NAALADL2: variants seen among roughly 807,000 people sequenced by gnomAD.
The protein encoded by NAALADL2 is inactive N-acetylated-alpha-linked acidic dipeptidase-like protein 2.
Under a neutral mutation model 87.2 loss-of-function variants are expected in NAALADL2, and 76 were observed. The ratio of observed to expected loss-of-function variants is 0.87; its 90% CI spans 0.72 to 1.05. NAALADL2 has a LOEUF of 1.05. NAALADL2 is among the 50% of genes least tolerant of loss of function. NAALADL2 has a pLI of 0.00. For missense variants in NAALADL2, 1,089 were observed against 945.8 expected (o/e 1.15, Z -1.99); for synonymous variants, 354 against 331.0 (o/e 1.07, Z -0.75).
At chr3:175,491,356 T>C (rs1378585680) in intron 9 of NAALADL2, among the ~76,000 whole-genome samples, 3 of 151,928 alleles carry the variant, frequency 2.0e-5, no homozygotes, top group Non-Finnish European at 2.9e-5. Flanking sequence ...TAGTAAATTT[T>C]GTCTCCCCAC....
chr3:175,461,076 A>G (rs1038975960), intron 6 of NAALADL2, among the ~76,000 whole-genome samples: 6 of 152,062 alleles, frequency 3.9e-5, no homozygotes, highest in African/African-American at 1.2e-4. Context: ...ACAGTTCTTT[A>G]GCTAGATACA....
intron 2 of NAALADL2, among the ~76,000 whole-genome samples, chr3:174,591,662 A>G (rs1717372797): frequency 6.6e-6 from 1 of 152,186 alleles, no homozygotes; most frequent in African/African-American, 2.4e-5. Flanking sequence ...CTATCTAAAG[A>G]CTTGCCATAA....
chr3:174,531,961 A>C (rs1438895057), intron 1 of NAALADL2, among the ~76,000 whole-genome samples: 2 of 152,196 alleles, frequency 1.3e-5, no homozygotes, highest in Non-Finnish European at 2.9e-5. Context: ...AAATTCCTAG[A>C]TTTATTTAAA....
chr3:175,290,949 C>T (rs1755572038), intron 4 of NAALADL2, among the ~76,000 whole-genome samples: 1 of 152,004 alleles, frequency 6.6e-6, no homozygotes. Context: ...AATAACTTTA[C>T]TAGAGAAGTA....
chr3:174,842,975 A>T (rs1015570959), intron 3 of NAALADL2, among the ~76,000 whole-genome samples: 5 of 152,080 alleles, frequency 3.3e-5, no homozygotes, highest in African/African-American at 1.2e-4. Context: ...CAATTTTTTT[A>T]AAAATTTTAA....
At position 175,423,372 on chromosome 3, in the gene NAALADL2, C is replaced by T. The variant is rs372709339; in HGVS notation, c.1091-23857C>T. On this transcript the variant is annotated intron_variant, in intron 5 of 13. Transcript: ENST00000454872. ...TGTTGGTGTGCTGCACCCATTAACT[C>T]GTCATTTAACATTAGGTATATCTCC... 6.6e-5 allele frequency among the ~76,000 whole-genome samples: 10 copies of T among 150,752 alleles called. No individual in the cohort carries two copies. In the East Asian group the frequency reaches 1.8e-3, roughly 27 times the overall value.
At chr3:174,980,431 T>G (rs187952454) in intron 1 of NAALADL2, among the ~76,000 whole-genome samples, 1 of 152,258 alleles carries the variant, frequency 6.6e-6, no homozygotes, top group Non-Finnish European at 1.5e-5. Context: ...ACCCAGGAGT[T>G]TGAGGCTGCA....
intron 4 of NAALADL2, among the ~76,000 whole-genome samples, chr3:175,290,400 A>T (rs945143147): frequency 6.6e-6 from 1 of 152,168 alleles, no homozygotes; most frequent in Non-Finnish European, 1.5e-5. Context: ...AGCAAATCTA[A>T]TCTAGGGAGA....
chr3:175,584,797 G>A (rs571022670), intron 10 of NAALADL2, among the ~76,000 whole-genome samples: 1 of 152,270 alleles, frequency 6.6e-6, no homozygotes, highest in African/African-American at 2.4e-5. Flanking sequence ...TTAAAAAGTG[G>A]TACACATGTA....
chr3:174,486,532 C>T (rs751374478), intron 1 of NAALADL2, among the ~76,000 whole-genome samples: 11 of 152,006 alleles, frequency 7.2e-5, no homozygotes, highest in Non-Finnish European at 1.3e-4. Flanking sequence ...AATTTCCACT[C>T]TGGTAAATTG....
At chr3:174,638,569 TGAA>T (rs1358465780) in intron 2 of NAALADL2, among the ~76,000 whole-genome samples, 2 of 151,954 alleles carry the variant, frequency 1.3e-5, no homozygotes, top group Admixed American at 6.6e-5. Context: ...TAGGAGATGT[TGAA>T]GAAGGAGGGT....
chr3:175,287,073 G>A lies in NAALADL2; in HGVS notation c.939+30543G>A, dbSNP rs149262695. On this transcript the variant is annotated intron_variant, in intron 4 of 13. Coordinates refer to ENST00000454872, the MANE Select transcript of NAALADL2 (RefSeq NM_207015.3). ...GCAGTGAGATTGCACTACAGCCTGG[G>A]CAACAGACTGAGACCTAGTTTCAAA... Among the ~76,000 whole-genome samples the A allele has an allele frequency of 2.4e-3, 367 of 152,184 alleles. 4 individuals carry two copies. The East Asian group carries it at 0.055, about 23-fold the overall frequency.
chr3:174,698,059 C>G (rs1471188973), intron 2 of NAALADL2, among the ~76,000 whole-genome samples: 2 of 152,094 alleles, frequency 1.3e-5, no homozygotes, highest in East Asian at 3.9e-4. Context: ...CCACTGCACT[C>G]CAGCCTGGTG....
At chr3:174,911,442 A>G (rs936723264) in intron 1 of NAALADL2, among the ~76,000 whole-genome samples, 4 of 152,154 alleles carry the variant, frequency 2.6e-5, no homozygotes, top group Admixed American at 2.6e-4. Context: ...GGCACTCGAC[A>G]TTGGCATGAG....
chr3:175,659,469 C>T (rs1300086056), intron 11 of NAALADL2, among the ~76,000 whole-genome samples: 1 of 152,128 alleles, frequency 6.6e-6, no homozygotes, highest in Admixed American at 6.6e-5. Context: ...AGCAGCACTG[C>T]AGTCTATTTT....
At chr3:174,808,719 G>GA (rs1719794516) in intron 3 of NAALADL2, among the ~76,000 whole-genome samples, 1 of 151,978 alleles carries the variant, frequency 6.6e-6, no homozygotes, top group Non-Finnish European at 1.5e-5. Context: ...GGAAAATGAT[G>GA]AAAAAACTAG....
In NAALADL2 at chr3:175,803,029, A is replaced by C; in HGVS notation, c.2214A>C (p.Glu738Asp). 6.2e-7 allele frequency: 1 copy of C among 1,611,886 alleles called. No homozygotes were observed. Among genetic ancestry groups the C allele is most frequent in the Non-Finnish European group, 8.5e-7 (1 of 1,178,578 alleles). The change falls in exon 14 of 14, where the codon GAA becomes GAC. Residue 738 changes from glutamate to aspartate, a missense_variant. Transcript: ENST00000454872. The part of the protein sequence containing the change: ...FYRNILYHLD[E>D]KTSRFSILIE... ...GAAACATCCTCTACCACCTTGATGA[A>C]AAGACAAGCCGGTTTTCAATACTTA... is the stretch of plus-strand genomic sequence containing the variant.
intron 9 of NAALADL2, among the ~76,000 whole-genome samples, chr3:175,517,186 T>C (rs184030005): frequency 6.6e-6 from 1 of 152,222 alleles, no homozygotes; most frequent in Admixed American, 6.5e-5. Context: ...ATACATAATC[T>C]TCATAAGACT....
intron 13 of NAALADL2, among the ~76,000 whole-genome samples, chr3:175,786,061 G>T (rs944582301): frequency 1.3e-5 from 2 of 152,230 alleles, no homozygotes; most frequent in African/African-American, 4.8e-5. Context: ...GGTTTCTGCC[G>T]AGAGATCCGC....
Sources: gnomAD v4.1 joint callset for allele counts (sites outside exome capture counted in the v4.1 genomes callset) on GRCh38, gnomAD v4.1.1 for gene constraint, MANE v1.5 for transcripts, NCBI Gene and HGNC (gene_info 2026-07-23, HGNC 2026-07-21) for gene names.